The following FCGR2B variants were observed in gnomAD, a reference collection of about 807,000 sequenced individuals.
FCGR2B encodes low affinity immunoglobulin gamma Fc region receptor II-b.
A neutral mutation model predicts 24.8 loss-of-function variants in FCGR2B; 18 were observed. That is an observed-to-expected ratio of 0.73 (90% CI 0.50 to 1.08). The LOEUF (loss-of-function observed/expected upper bound fraction) is 1.08. Among genes scored for constraint, FCGR2B ranks in the 50% least tolerant of loss-of-function variants. The pLI is 0.00. For synonymous variants in FCGR2B, 79 were observed against 109.8 expected (o/e 0.72, Z 1.75); for missense variants, 215 against 297.6 (o/e 0.72, Z 2.04).
the FCGR2B span, among the ~76,000 whole-genome samples, chr1:161,654,304 C>G: frequency 7.6e-6 from 1 of 131,774 alleles, no homozygotes; most frequent in Admixed American, 7.9e-5. Context: ...GGTAGAAGAC[C>G]TGTAATCATC....
chr1:161,673,767 C>A lies in FCGR2B; in HGVS notation c.647-193C>A. ...TACCTTTATTAGTTTGGTGGAGAAA[C>A]CTCGGTAAGCAGGAGGCATAAGTCC... On this transcript the variant is annotated intron_variant, in intron 4 of 7. Transcript: ENST00000358671. 6.4e-6 allele frequency: 3 copies of A among 468,162 alleles called. 1 individual carries two copies. The highest frequency in any genetic ancestry group is 5.3e-5 in the South Asian group (2 of 37,988). The allele number at this position is 468,162 out of a possible 1,614,324, so 29.0% of individuals were successfully genotyped here. A position where few individuals can be genotyped will look rare whatever the true frequency, so the allele number is the denominator to read the frequency against.
chr1:161,673,259 G>T (rs750719998), intron 4 of FCGR2B, 30 bp downstream of exon 4: 1 of 1,561,914 alleles, frequency 6.4e-7, no homozygotes, highest in Non-Finnish European at 8.7e-7. Flanking sequence ...ATGTAAGGAG[G>T]GGAGAAGAGG....
chr1:161,650,872 C>T, the FCGR2B span, among the ~76,000 whole-genome samples: 2 of 108,862 alleles, frequency 1.8e-5, no homozygotes, highest in East Asian at 4.8e-4. Context: ...TAAAATTACA[C>T]CTCTACCTCT....
Position 161,673,017 on chromosome 1 carries a change from G to A in FCGR2B, c.434G>A (p.Gly145Glu). Reference protein sequence around the residue: ...LQTPHLEFQEGETIVLRCHSW... With the variant: ...LQTPHLEFQEEETIVLRCHSW... ...ACCCCTCACCTGGAGTTCCAGGAGG[G>A]AGAAACCATCGTGCTGAGGTGCCAC... Residue 145 changes from glycine (G) to glutamate (E), a missense_variant, in exon 4 of 8, where the codon GGA (glycine) becomes GAA (glutamate). Physicochemically the swap from Gly to Glu is moderately conservative, Grantham distance 98. Transcript: ENST00000358671. The A allele has an allele frequency of 6.2e-7, 1 of 1,613,080 alleles. No homozygotes were observed. The highest frequency in any genetic ancestry group is 8.5e-7 in the Non-Finnish European group (1 of 1,179,572).
intron 6 of FCGR2B, chr1:161,676,227 C>G (rs1682119257): frequency 9.1e-6 from 2 of 220,268 alleles, no homozygotes; most frequent in South Asian, 1.8e-4. Context: ...GTCAAAGACC[C>G]CACCTCAGAT....
chr1:161,674,992 G>A (rs1277542697), intron 5 of FCGR2B: 1 of 429,114 alleles, frequency 2.3e-6, no homozygotes, highest in Non-Finnish European at 4.2e-6. Flanking sequence ...TTTTTAAAAG[G>A]CAGAGCAAGC....
At chr1:161,653,321 G>T in the FCGR2B span, among the ~76,000 whole-genome samples, 2 of 132,536 alleles carry the variant, frequency 1.5e-5, no homozygotes, top group African/African-American at 2.6e-5. Context: ...GTGGAGAATT[G>T]CTTGAACCAG....
rs1176132713 is a variant in FCGR2B at position 161,672,939 on chromosome 1, C to A, written c.392-36C>A. 3.7e-6 allele frequency: 6 copies of A among 1,612,550 alleles called. No individual in the cohort carries two copies. The African/African-American group carries it at 8.0e-5, about 22-fold the overall frequency. On this transcript the variant is annotated intron_variant, in intron 3 of 7. Transcript: ENST00000358671. ...TCTGGGTCTCAGAGCTGAGCCAAGA[C>A]CTCCCGGGTCCTCTGCGGTTTTTTG...
chr1:161,674,002 C>T lies in FCGR2B; in HGVS notation c.689C>T (p.Thr230Ile), dbSNP rs1351870963. ...SPMGIIVAVV[T>I]GIAVAAIVAA... ...ATGGGGATCATTGTGGCTGTGGTCACTGGGATTGCTGTAGCGGCCATTGTT... is the reference window on the plus strand; with the variant it reads ...ATGGGGATCATTGTGGCTGTGGTCATTGGGATTGCTGTAGCGGCCATTGTT... The change falls in exon 5 of 8, where the codon ACT (threonine) becomes ATT (isoleucine). Residue 230 changes from threonine (T) to isoleucine (I), a missense_variant. Coordinates refer to ENST00000358671, the MANE Select transcript of FCGR2B (RefSeq NM_001394477.1). 3.8e-6 allele frequency: 2 copies of T among 520,484 alleles called. No homozygotes were observed. Among genetic ancestry groups the T allele is most frequent in the Non-Finnish European group, 3.4e-6 (1 of 292,670 alleles). 32.2% of individuals were successfully genotyped at this position (520,484 alleles called of 1,614,324 possible).
At chr1:161,651,655 G>A in the FCGR2B span, among the ~76,000 whole-genome samples, 1 of 119,920 alleles carries the variant, frequency 8.3e-6, no homozygotes, top group African/African-American at 2.8e-5. Context: ...TAAAGATCTG[G>A]CCGGGCGCAG....
the FCGR2B span, among the ~76,000 whole-genome samples, chr1:161,650,532 C>G: frequency 8.1e-5 from 12 of 147,498 alleles, 2 homozygotes; most frequent in South Asian, 2.6e-3. Flanking sequence ...GGACATTTAG[C>G]AGCTTTCTTG....
chr1:161,669,486 C>T (rs1436448868), intron 1 of FCGR2B, among the ~76,000 whole-genome samples: 1 of 141,562 alleles, frequency 7.1e-6, no homozygotes, highest in Non-Finnish European at 1.6e-5. Context: ...AGGTGAATCA[C>T]TTGAACCTGG....
At chr1:161,654,255 A>G in the FCGR2B span, among the ~76,000 whole-genome samples, 37,885 of 118,802 alleles carry the variant, frequency 0.32, 7,188 homozygotes, top group Non-Finnish European at 0.39. Context: ...CTGGATCTTG[A>G]GGACAGGGCT....
At chr1:161,671,265 A>G in intron 2 of FCGR2B, 127 bp from the exon 3 acceptor site, 1 of 1,500,504 alleles carries the variant, frequency 6.7e-7, no homozygotes, top group Non-Finnish European at 9.0e-7. Context: ...TTGCAGAACC[A>G]TTCTGGGCCT....
the FCGR2B span, among the ~76,000 whole-genome samples, chr1:161,650,272 C>A: frequency 6.8e-6 from 1 of 146,476 alleles, no homozygotes; most frequent in Non-Finnish European, 1.5e-5. Flanking sequence ...CAGGCATGAG[C>A]CACTGTGCCC....
At chr1:161,676,467 A>G (rs190858704) in intron 6 of FCGR2B, 137 of 178,148 alleles carry the variant, frequency 7.7e-4, no homozygotes, top group African/African-American at 2.8e-3. Flanking sequence ...CACATTTCAC[A>G]AGGCACTTTT....
chr1:161,654,158 A>ATT, the FCGR2B span, among the ~76,000 whole-genome samples: 3 of 135,782 alleles, frequency 2.2e-5, no homozygotes, highest in Non-Finnish European at 5.1e-5. Flanking sequence ...GTTCTTATTG[A>ATT]TTTTTTCAGG....
In FCGR2B at chr1:161,676,979, T is replaced by C. The variant is rs1682199774; in HGVS notation, c.818-349T>C. On this transcript the variant is annotated intron_variant, in intron 6 of 7. Transcript: ENST00000358671. The stretch of plus-strand genomic sequence containing the variant: ...TGGCCAGCAAAAATCTGGACTTTAC[T>C]TCACTCTGATGCTGAACACCCCCCT... 5 of 366,538 alleles carry C rather than the reference T, an allele frequency of 1.4e-5. No homozygotes were observed. In the South Asian group the frequency reaches 1.7e-4, roughly 12 times the overall value. 22.7% of individuals were successfully genotyped at this position (366,538 alleles called of 1,614,324 possible). A position where few individuals can be genotyped will look rare whatever the true frequency, so the allele number is the denominator to read the frequency against.
At chr1:161,673,603 T>C in intron 4 of FCGR2B, 5 of 655,702 alleles carry the variant, frequency 7.6e-6, no homozygotes, top group South Asian at 7.6e-5. Context: ...CCAGAAAGCC[T>C]GGCACGTCAT....
Sources: allele counts gnomAD v4.1 joint callset (sites outside exome capture counted in the v4.1 genomes callset), GRCh38; gene constraint gnomAD v4.1.1; transcripts MANE v1.5; gene names NCBI Gene and HGNC (gene_info 2026-07-23, HGNC 2026-07-21).